ERBB4: variants seen among roughly 807,000 people sequenced by gnomAD.
ERBB4 encodes the protein receptor tyrosine-protein kinase erbB-4.
ERBB4 carries 42 observed loss-of-function variants against 158.0 expected under a neutral mutation model. That is an observed-to-expected ratio of 0.27 (90% CI 0.21 to 0.34). The LOEUF (loss-of-function observed/expected upper bound fraction) is 0.34. Among genes scored for constraint, ERBB4 ranks in the 10% least tolerant of loss-of-function variants. ERBB4 has a pLI of 1.00. For missense variants in ERBB4, 1,333 were observed against 1,624.1 expected (o/e 0.82, Z 3.08); for synonymous variants, 583 against 558.7 (o/e 1.04, Z -0.61).
chr2:212,094,600 C>T (rs1015030937), intron 2 of ERBB4, among the ~76,000 whole-genome samples: 2 of 151,934 alleles, frequency 1.3e-5, no homozygotes, highest in African/African-American at 4.8e-5. Flanking sequence ...CTGGCACCTC[C>T]GCCTGCCTCT....
At chr2:211,778,296 C>T (rs1194994150) in intron 4 of ERBB4, 1 of 152,156 alleles carries the variant, frequency 6.6e-6, no homozygotes, top group Non-Finnish European at 1.5e-5. Context: ...TTTCAACTAA[C>T]CACAAAGATA....
chr2:212,498,102 G>A (rs1252225527), intron 1 of ERBB4, among the ~76,000 whole-genome samples: 1 of 150,924 alleles, frequency 6.6e-6, no homozygotes, highest in Admixed American at 6.6e-5. Context: ...TCTATTGTGT[G>A]TGTGTGCATA....
intron 1 of ERBB4, among the ~76,000 whole-genome samples, chr2:212,165,696 A>T (rs1033727446): frequency 1.2e-4 from 19 of 152,122 alleles, no homozygotes; most frequent in African/African-American, 4.3e-4. Context: ...AACCATAGAA[A>T]TATTAAAAGG....
chr2:212,356,113 G>A (rs769394545), intron 1 of ERBB4, among the ~76,000 whole-genome samples: 7 of 151,868 alleles, frequency 4.6e-5, no homozygotes, highest in African/African-American at 1.2e-4. Flanking sequence ...GAACATAAAA[G>A]CAATTGATCT....
intron 20 of ERBB4, among the ~76,000 whole-genome samples, chr2:211,457,031 T>C (rs951482673): frequency 6.6e-6 from 1 of 152,224 alleles, no homozygotes; most frequent in Admixed American, 6.5e-5. Context: ...CTTATAAATA[T>C]ACAAATTATC....
At chr2:211,758,111 T>G (rs2075326485) in intron 4 of ERBB4, among the ~76,000 whole-genome samples, 1 of 152,228 alleles carries the variant, frequency 6.6e-6, no homozygotes, top group Non-Finnish European at 1.5e-5. Context: ...CTCATGTGAT[T>G]GTAAGAAGGA....
chr2:211,461,078 A>G (rs1300546503), intron 20 of ERBB4, among the ~76,000 whole-genome samples: 1 of 119,742 alleles, frequency 8.4e-6, no homozygotes, highest in Non-Finnish European at 1.9e-5. Context: ...ACTCCTAGAG[A>G]TTGGGGGAAA....
chr2:211,884,611 A>T (rs2078746601), intron 3 of ERBB4, among the ~76,000 whole-genome samples: 1 of 152,158 alleles, frequency 6.6e-6, no homozygotes, highest in Admixed American at 6.5e-5. Context: ...AATTTTCTAA[A>T]GGTGCCCATT....
intron 1 of ERBB4, among the ~76,000 whole-genome samples, chr2:212,419,209 G>A (rs1375783656): frequency 6.6e-6 from 1 of 151,544 alleles, no homozygotes; most frequent in Non-Finnish European, 1.5e-5. Context: ...CAAAATTAGT[G>A]TTTTTCAGAC....
At chr2:211,952,777 C>G (rs978133524) in intron 2 of ERBB4, among the ~76,000 whole-genome samples, 2 of 151,844 alleles carry the variant, frequency 1.3e-5, no homozygotes, top group African/African-American at 4.8e-5. Context: ...ATATAAGAAA[C>G]CTGTCTGGCA....
At chr2:211,951,769 C>T (rs973402803) in intron 2 of ERBB4, among the ~76,000 whole-genome samples, 13 of 152,004 alleles carry the variant, frequency 8.6e-5, no homozygotes, top group South Asian at 2.1e-4. Context: ...GTTTATTACC[C>T]TCTGTTCTTG....
chr2:211,962,935 T>C (rs890907602), intron 2 of ERBB4, among the ~76,000 whole-genome samples: 5 of 152,174 alleles, frequency 3.3e-5, no homozygotes, highest in Non-Finnish European at 7.3e-5. Context: ...CACCTTCTTT[T>C]TTACAAATTC....
chr2:212,075,218 T>C (rs1282562347), intron 2 of ERBB4, among the ~76,000 whole-genome samples: 3 of 151,978 alleles, frequency 2.0e-5, no homozygotes, highest in African/African-American at 7.2e-5. Flanking sequence ...TTAATGGCTT[T>C]AGTTAATCCA....
chr2:211,976,691 A>T (rs1415124886), intron 2 of ERBB4, among the ~76,000 whole-genome samples: 1 of 152,076 alleles, frequency 6.6e-6, no homozygotes, highest in African/African-American at 2.4e-5. Flanking sequence ...CTTGTCAATG[A>T]TATCAAATAT....
chr2:211,696,100 T>G (rs1452778444), intron 12 of ERBB4, among the ~76,000 whole-genome samples: 1 of 133,694 alleles, frequency 7.5e-6, no homozygotes, highest in Non-Finnish European at 1.6e-5. Flanking sequence ...CTCTCTCTCT[T>G]TCTTTCTCTT....
chr2:211,485,493 T>C (rs2065180598), intron 20 of ERBB4, among the ~76,000 whole-genome samples: 1 of 152,160 alleles, frequency 6.6e-6, no homozygotes. Context: ...AAGTTCTGTC[T>C]CTTCAAACAA....
chr2:212,259,185 A>G (rs2084845881), intron 1 of ERBB4, among the ~76,000 whole-genome samples: 1 of 152,182 alleles, frequency 6.6e-6, no homozygotes, highest in South Asian at 2.1e-4. Context: ...TTTCTTTAGT[A>G]TTTGTCCTTT....
At chr2:212,141,491 G>T (rs570792910) in intron 1 of ERBB4, among the ~76,000 whole-genome samples, 5 of 152,078 alleles carry the variant, frequency 3.3e-5, no homozygotes, top group South Asian at 4.2e-4. Flanking sequence ...TAGAAAGACT[G>T]CTCCAACAGT....
At chr2:212,137,369 T>G (rs1159067041) in intron 1 of ERBB4, among the ~76,000 whole-genome samples, 2 of 152,132 alleles carry the variant, frequency 1.3e-5, no homozygotes, top group African/African-American at 4.8e-5. Flanking sequence ...ACTGTTCCCC[T>G]CTGTGTGTCC....
Sources: allele counts gnomAD v4.1 joint callset (sites outside exome capture counted in the v4.1 genomes callset), GRCh38; gene constraint gnomAD v4.1.1; transcripts MANE v1.5; gene names NCBI Gene and HGNC (gene_info 2026-07-23, HGNC 2026-07-21).